The following FBXO42 variants were observed in gnomAD, a reference collection of about 807,000 sequenced individuals.
The protein encoded by FBXO42 is F-box only protein 42.
A neutral mutation model predicts 71.7 loss-of-function variants in FBXO42; 12 were observed. That is an observed-to-expected ratio of 0.17 (90% CI 0.11 to 0.27). FBXO42 has a LOEUF of 0.27. Among genes scored for constraint, FBXO42 ranks in the 10% least tolerant of loss-of-function variants. The pLI is 1.00. For synonymous variants in FBXO42, 325 were observed against 327.5 expected, an observed-to-expected ratio of 0.99 and a Z score of 0.08; for missense variants, 707 against 911.9, an observed-to-expected ratio of 0.78 and a Z score of 2.89.
chr1:16,323,566 G>A (rs946385176), intron 1 of FBXO42, among the ~76,000 whole-genome samples: 2 of 151,520 alleles, frequency 1.3e-5, no homozygotes, highest in East Asian at 3.9e-4. Flanking sequence ...GGAGGCTGAG[G>A]TGCGCGGATC....
intron 2 of FBXO42, among the ~76,000 whole-genome samples, chr1:16,312,406 GA>G (rs1050669052): frequency 6.6e-6 from 1 of 152,042 alleles, no homozygotes; most frequent in Non-Finnish European, 1.5e-5. Flanking sequence ...CTAAGTGAAA[GA>G]AACCAATCGG....
intron 1 of FBXO42, among the ~76,000 whole-genome samples, chr1:16,340,983 A>G (rs566820440): frequency 7.9e-5 from 12 of 152,248 alleles, no homozygotes; most frequent in Admixed American, 2.0e-4. Context: ...GTAAAGCATT[A>G]TTTACTAATG....
At chr1:16,345,031 G>A (rs1009225191) in intron 1 of FBXO42, among the ~76,000 whole-genome samples, 15 of 151,898 alleles carry the variant, frequency 9.9e-5, no homozygotes, top group Non-Finnish European at 1.3e-4. Context: ...CCTGGGAGGC[G>A]GAGGTTATAG....
chr1:16,345,654 C>T (rs2082648905), intron 1 of FBXO42, among the ~76,000 whole-genome samples: 1 of 151,554 alleles, frequency 6.6e-6, no homozygotes, highest in African/African-American at 2.4e-5. Context: ...TCGAGACCAT[C>T]CTGGCTAACA....
rs12065696 is a variant in FBXO42, at chr1:16,298,682, G to T, written c.368-3765C>A. ...CCACCACCACGCCCAGCTAGTTTTT[G>T]TATTTTTAGTAGATATGGGGTTCCA... On this transcript the variant is annotated intron_variant, in intron 3 of 9. Transcript: ENST00000375592. Among the ~76,000 whole-genome samples, 902 of 152,110 alleles carry T rather than the reference G, an allele frequency of 5.9e-3. 5 individuals carry two copies. The highest frequency in any genetic ancestry group is 0.021 in the African/African-American group (866 of 41,480).
chr1:16,253,337 C>T (rs2081610132), intron 7 of FBXO42, 185 bp from the exon 8 acceptor site: 1 of 606,512 alleles, frequency 1.6e-6, no homozygotes, highest in Admixed American at 3.2e-5. Context: ...TGATAATTCA[C>T]CTGAAAGGAT....
intron 4 of FBXO42, among the ~76,000 whole-genome samples, chr1:16,291,816 C>A (rs551409895): frequency 1.4e-4 from 22 of 152,158 alleles, no homozygotes; most frequent in Non-Finnish European, 3.1e-4. Context: ...GGACTACAGG[C>A]ACATGCCATC....
At chr1:16,318,557 G>A (rs572793952) in intron 1 of FBXO42, among the ~76,000 whole-genome samples, 2 of 152,242 alleles carry the variant, frequency 1.3e-5, no homozygotes, top group South Asian at 4.1e-4. Flanking sequence ...TACACATAGA[G>A]GCAGGCATCT....
chr1:16,269,410 T>A (rs2081814688), intron 4 of FBXO42, among the ~76,000 whole-genome samples: 3 of 146,802 alleles, frequency 2.0e-5, no homozygotes, highest in Non-Finnish European at 4.5e-5. Flanking sequence ...TTTAAGAGAG[T>A]ATCACTCTGT....
At chr1:16,310,385 G>T (rs2082301305) in intron 2 of FBXO42, among the ~76,000 whole-genome samples, 2 of 151,670 alleles carry the variant, frequency 1.3e-5, no homozygotes, top group Admixed American at 1.3e-4. Flanking sequence ...AAACAAATTA[G>T]CTGGGTATGG....
chr1:16,306,417 A>C (rs933060556), intron 2 of FBXO42, among the ~76,000 whole-genome samples: 1 of 152,212 alleles, frequency 6.6e-6, no homozygotes, highest in Non-Finnish European at 1.5e-5. Context: ...CCATTTTATC[A>C]AAGTTCATGG....
rs1379946025 is a variant in FBXO42, at chr1:16,249,013, G to A, written c.*1657C>T. 1 of 152,262 alleles carries A rather than the reference G, an allele frequency of 6.6e-6. No individual in the cohort carries two copies. Among genetic ancestry groups the A allele is most frequent in the Non-Finnish European group, 1.5e-5 (1 of 68,052 alleles). 9.4% of individuals were successfully genotyped at this position (152,262 alleles called of 1,614,324 possible). On this transcript the variant is annotated 3_prime_UTR_variant, in exon 10 of 10. Coordinates refer to ENST00000375592, the MANE Select transcript of FBXO42 (RefSeq NM_018994.3). ...GATGCTGGCTGAAAGCCAGGACCCA[G>A]GGCCAGCTGCAGCAGGCTTTGTGCC...
chr1:16,308,494 CTTT>C (rs71003268), intron 2 of FBXO42, among the ~76,000 whole-genome samples: 3 of 126,712 alleles, frequency 2.4e-5, no homozygotes, highest in Non-Finnish European at 1.6e-5. Flanking sequence ...ACCCATCTCT[CTTT>C]TTTTTTTTTT....
At chr1:16,306,707 A>G (rs919006642) in intron 2 of FBXO42, among the ~76,000 whole-genome samples, 5 of 151,750 alleles carry the variant, frequency 3.3e-5, no homozygotes, top group African/African-American at 1.2e-4. Flanking sequence ...TTGTTTATTT[A>G]TTTTTTTCTT....
rs1431933283 is a variant in FBXO42, at chr1:16,247,554, TCCTC to T, written c.*3112_*3115del. 5 of 152,354 alleles carry T rather than the reference TCCTC, an allele frequency of 3.3e-5. No individual in the cohort carries two copies. The highest frequency in any genetic ancestry group is 5.9e-5 in the Non-Finnish European group (4 of 68,046). 9.4% of individuals were successfully genotyped at this position (152,354 alleles called of 1,614,324 possible). A position where few individuals can be genotyped will look rare whatever the true frequency, so the allele number is the denominator to read the frequency against. ...TGGTTTTCTTTCTTCCTCCTCCTCC[TCCTC>T]TTTTCTTTATTTTAAAGAGTTCCAA... On this transcript the variant is annotated 3_prime_UTR_variant, in exon 10 of 10. Transcript: ENST00000375592.
At chr1:16,304,257 C>T (rs898463325) in intron 3 of FBXO42, among the ~76,000 whole-genome samples, 23 of 151,898 alleles carry the variant, frequency 1.5e-4, no homozygotes, top group African/African-American at 5.6e-4. Flanking sequence ...GCTGGGATTA[C>T]TGGCATGTGC....
intron 3 of FBXO42, among the ~76,000 whole-genome samples, chr1:16,302,484 A>C (rs1276969351): frequency 6.6e-6 from 1 of 152,196 alleles, no homozygotes; most frequent in Non-Finnish European, 1.5e-5. Flanking sequence ...ACAAAGCAGC[A>C]GGAGAAAGAG....
intron 4 of FBXO42, among the ~76,000 whole-genome samples, chr1:16,281,900 T>A (rs1270533654): frequency 6.6e-6 from 1 of 151,786 alleles, no homozygotes. Context: ...CAAGTGATCC[T>A]CCTGACCTCA....
At chr1:16,291,346 T>C (rs1255484656) in intron 4 of FBXO42, among the ~76,000 whole-genome samples, 1 of 152,164 alleles carries the variant, frequency 6.6e-6, no homozygotes, top group Non-Finnish European at 1.5e-5. Flanking sequence ...ATGGGGTTTC[T>C]GCCTAAATGA....
Sources: gnomAD v4.1 joint callset for allele counts (sites outside exome capture counted in the v4.1 genomes callset) on GRCh38, gnomAD v4.1.1 for gene constraint, MANE v1.5 for transcripts, NCBI Gene and HGNC (gene_info 2026-07-23, HGNC 2026-07-21) for gene names.